NEBL: variants seen among roughly 807,000 people sequenced by gnomAD.
NEBL encodes nebulette, also known as LIM and SH3 protein 2.
Under a neutral mutation model 140.2 loss-of-function variants are expected in NEBL, and 122 were observed. The ratio of observed to expected loss-of-function variants is 0.87; its 90% CI spans 0.75 to 1.01. NEBL has a LOEUF of 1.01. NEBL is among the 50% of genes least tolerant of loss of function. The pLI is 0.00. For synonymous variants in NEBL, 436 were observed against 398.9 expected, an observed-to-expected ratio of 1.09 and a Z score of -1.11; for missense variants, 1,365 against 1,231.3, an observed-to-expected ratio of 1.11 and a Z score of -1.62.
At chr10:20,963,849 G>A (rs569401249) in intron 3 of NEBL, among the ~76,000 whole-genome samples, 1 of 152,274 alleles carries the variant, frequency 6.6e-6, no homozygotes, top group Admixed American at 6.5e-5. Flanking sequence ...AGTGTTGCAG[G>A]ATTCCTATTT....
At chr10:21,195,141 C>T (rs998002373) in intron 3 of NEBL, among the ~76,000 whole-genome samples, 1 of 152,096 alleles carries the variant, frequency 6.6e-6, no homozygotes, top group Non-Finnish European at 1.5e-5. Flanking sequence ...CCTGTCAACC[C>T]TCCTTTCTCC....
At chr10:21,079,243 G>T (rs1836255233) in intron 2 of NEBL, among the ~76,000 whole-genome samples, 2 of 152,122 alleles carry the variant, frequency 1.3e-5, no homozygotes, top group Non-Finnish European at 2.9e-5. Context: ...AACAGGGCAA[G>T]ACCAGAAAAA....
chr10:20,872,456 C>T (rs911745965), intron 5 of NEBL, among the ~76,000 whole-genome samples: 7 of 152,036 alleles, frequency 4.6e-5, no homozygotes, highest in African/African-American at 1.7e-4. Flanking sequence ...GTCACTATCT[C>T]CAAGGGTGTC....
intron 18 of NEBL, among the ~76,000 whole-genome samples, chr10:20,824,617 G>C (rs1286062872): frequency 1.3e-5 from 2 of 152,140 alleles, no homozygotes; most frequent in African/African-American, 4.8e-5. Flanking sequence ...CTTTCCATTT[G>C]AATACTAAGC....
chr10:20,876,730 T>C (rs1225935244), intron 5 of NEBL, among the ~76,000 whole-genome samples: 1 of 152,178 alleles, frequency 6.6e-6, no homozygotes, highest in Non-Finnish European at 1.5e-5. Flanking sequence ...AAACTTAAAA[T>C]AGAGTTTAAA....
intron 19 of NEBL, 73 bp from the exon 20 acceptor site, chr10:20,819,589 T>A: frequency 1.3e-6 from 2 of 1,558,010 alleles, no homozygotes; most frequent in Non-Finnish European, 1.8e-6. Context: ...AACAGATTTT[T>A]TTTAAATGTC....
At chr10:21,035,272 A>G (rs1354470140) in intron 2 of NEBL, among the ~76,000 whole-genome samples, 1 of 152,168 alleles carries the variant, frequency 6.6e-6, no homozygotes, top group African/African-American at 2.4e-5. Context: ...TGCTGGGATT[A>G]CAGGCATAAG....
At position 21,115,386 on chromosome 10, in the gene NEBL, T is replaced by C. The variant is rs139763712; in HGVS notation, c.164+56997A>G. Among the ~76,000 whole-genome samples the C allele has an allele frequency of 4.0e-3, 610 of 152,250 alleles. 4 individuals carry two copies. The highest frequency in any genetic ancestry group is 9.5e-3 in the South Asian group (46 of 4,830). On this transcript the variant is annotated intron_variant, in intron 2 of 6. Coordinates refer to the NEBL transcript ENST00000417816. ...CAGATTCAGTTTCCATCTGGTATCA[T>C]TTTCTTTCTGTCTAAAAGCCTTCTG...
chr10:21,269,625 A>G lies in NEBL; in HGVS notation n.183-17797T>C, dbSNP rs535604965. 1.6e-4 allele frequency among the ~76,000 whole-genome samples: 25 copies of G among 152,358 alleles called. No homozygotes were observed. In the South Asian group the frequency reaches 5.0e-3, roughly 30 times the overall value. On this transcript the variant is annotated intron_variant and non_coding_transcript_variant, in intron 1 of 8. Coordinates refer to the NEBL transcript ENST00000675702. ...CATTATCAAAGATTACTAAATATCA[A>G]CACATTAGGATGAAGCCCACAGTTC...
At chr10:21,037,778 A>G (rs895178884) in intron 2 of NEBL, among the ~76,000 whole-genome samples, 1 of 152,058 alleles carries the variant, frequency 6.6e-6, no homozygotes, top group Non-Finnish European at 1.5e-5. Flanking sequence ...TGAACATTCA[A>G]GATAAATTGG....
At chr10:20,933,050 A>C (rs1834274650) in intron 4 of NEBL, among the ~76,000 whole-genome samples, 1 of 152,162 alleles carries the variant, frequency 6.6e-6, no homozygotes, top group Non-Finnish European at 1.5e-5. Context: ...AAATGCATGC[A>C]CAAGTTTGCA....
chr10:21,238,740 A>G (rs1007048486), intron 3 of NEBL, among the ~76,000 whole-genome samples: 9 of 145,864 alleles, frequency 6.2e-5, no homozygotes, highest in Non-Finnish European at 9.0e-5. Context: ...AAAAAAAAAA[A>G]AGAGAAGGTT....
chr10:21,288,482 G>C (rs1254345306), intron 1 of NEBL, among the ~76,000 whole-genome samples: 1 of 151,138 alleles, frequency 6.6e-6, no homozygotes, highest in Non-Finnish European at 1.5e-5. Flanking sequence ...AAGAGAAAAA[G>C]CCCGACGCGG....
chr10:21,069,932 A>G, intron 2 of NEBL: 1 of 449,060 alleles, frequency 2.2e-6, no homozygotes. Context: ...AGTCATGTAA[A>G]TATCCCCTAT....
chr10:21,262,789 A>T (rs1054680419), intron 1 of NEBL, among the ~76,000 whole-genome samples: 3 of 152,194 alleles, frequency 2.0e-5, no homozygotes, highest in African/African-American at 7.2e-5. Flanking sequence ...CTGTGACTCC[A>T]TGATAATTGG....
At chr10:21,085,737 T>C (rs1374410999) in intron 2 of NEBL, among the ~76,000 whole-genome samples, 1 of 151,956 alleles carries the variant, frequency 6.6e-6, no homozygotes, top group Non-Finnish European at 1.5e-5. Flanking sequence ...GAAGTGTATA[T>C]GTGTTAAAGT....
At chr10:21,101,587 A>T (rs1282151306) in intron 2 of NEBL, among the ~76,000 whole-genome samples, 1 of 152,204 alleles carries the variant, frequency 6.6e-6, no homozygotes, top group Admixed American at 6.5e-5. Flanking sequence ...ATTAGCTAGG[A>T]CTTAGGTGAC....
intron 1 of NEBL, among the ~76,000 whole-genome samples, chr10:21,271,240 T>C (rs958975710): frequency 6.6e-5 from 10 of 152,146 alleles, no homozygotes; most frequent in Admixed American, 3.3e-4. Flanking sequence ...CTAAGTGAAA[T>C]AAGCTAGACA....
chr10:20,988,959 A>G (rs988320887), intron 3 of NEBL, among the ~76,000 whole-genome samples: 3 of 152,244 alleles, frequency 2.0e-5, no homozygotes, highest in African/African-American at 7.2e-5. Flanking sequence ...TAGGTACTCA[A>G]TACATATTTG....
Sources: allele counts gnomAD v4.1 joint callset (sites outside exome capture counted in the v4.1 genomes callset), GRCh38; gene constraint gnomAD v4.1.1; transcripts MANE v1.5; gene names NCBI Gene and HGNC (gene_info 2026-07-23, HGNC 2026-07-21).